Variants in XKR4 observed in about 807,000 individuals in gnomAD.
XKR4 encodes the protein XK related 4.
XKR4 carries 12 observed loss-of-function variants against 53.9 expected under a neutral mutation model. That is an observed-to-expected ratio of 0.22 (90% CI 0.14 to 0.36). XKR4 has a LOEUF of 0.36. Among genes scored for constraint, XKR4 ranks in the 10% least tolerant of loss-of-function variants. The pLI, the probability that XKR4 is intolerant of heterozygous loss-of-function variation, is 1.00. For missense variants in XKR4, 799 were observed against 859.5 expected (o/e 0.93, Z 0.88); for synonymous variants, 354 against 362.4 (o/e 0.98, Z 0.26).
chr8:55,209,434 A>G (rs895086273), intron 1 of XKR4, among the ~76,000 whole-genome samples: 2 of 151,920 alleles, frequency 1.3e-5, no homozygotes, highest in East Asian at 1.9e-4. Flanking sequence ...AGACAGTCTG[A>G]CTCCAGAGCC....
At chr8:55,297,352 C>T (rs1819116966) in intron 1 of XKR4, among the ~76,000 whole-genome samples, 1 of 152,154 alleles carries the variant, frequency 6.6e-6, no homozygotes, top group Admixed American at 6.6e-5. Context: ...ATAAAATGTT[C>T]AGTTAAGGCA....
At chr8:55,161,317 A>T (rs1816981400) in intron 1 of XKR4, among the ~76,000 whole-genome samples, 1 of 152,246 alleles carries the variant, frequency 6.6e-6, no homozygotes, top group African/African-American at 2.4e-5. Context: ...GAAAAAAAAG[A>T]GATGCAGATT....
Position 55,389,170 on chromosome 8 carries a change from C to T in XKR4, c.1006+31293C>T, listed in dbSNP as rs114672663. Among the ~76,000 whole-genome samples, 751 of 152,306 alleles carry T rather than the reference C, an allele frequency of 4.9e-3. 4 individuals carry two copies. The highest frequency in any genetic ancestry group is 0.017 in the African/African-American group (706 of 41,570). ...CTGGGAAGGAGGCCTGAAACAGATCCTTCTCCAGCACTTCCAAAGAGTGCG... is the reference window on the plus strand; with the variant it reads ...CTGGGAAGGAGGCCTGAAACAGATCTTTCTCCAGCACTTCCAAAGAGTGCG... On this transcript the variant is annotated intron_variant, in intron 2 of 2. Coordinates refer to ENST00000327381, the MANE Select transcript of XKR4 (RefSeq NM_052898.2).
At chr8:55,482,025 A>G (rs1806116818) in intron 2 of XKR4, among the ~76,000 whole-genome samples, 1 of 152,180 alleles carries the variant, frequency 6.6e-6, no homozygotes, top group South Asian at 2.1e-4. Flanking sequence ...ATACCATTTG[A>G]CCCAGCCATC....
intron 1 of XKR4, among the ~76,000 whole-genome samples, chr8:55,227,366 C>T (rs1817967649): frequency 6.6e-6 from 1 of 152,188 alleles, no homozygotes; most frequent in African/African-American, 2.4e-5. Context: ...CACTGAGGGA[C>T]CAAGGCAGGC....
chr8:55,129,972 C>G (rs1009579110), intron 1 of XKR4, among the ~76,000 whole-genome samples: 2 of 152,038 alleles, frequency 1.3e-5, no homozygotes, highest in Admixed American at 6.6e-5. Flanking sequence ...CTTCCATTAT[C>G]TTTGAATTAG....
At chr8:55,171,772 C>T (rs1817161773) in intron 1 of XKR4, among the ~76,000 whole-genome samples, 1 of 152,050 alleles carries the variant, frequency 6.6e-6, no homozygotes, top group East Asian at 1.9e-4. Flanking sequence ...GGTCATAAGC[C>T]AAGTTTATGT....
At chr8:55,301,307 C>T (rs1403660478) in intron 1 of XKR4, among the ~76,000 whole-genome samples, 1 of 151,890 alleles carries the variant, frequency 6.6e-6, no homozygotes, top group African/African-American at 2.4e-5. Context: ...CATCCATGTC[C>T]CTACAAAGGA....
At chr8:55,466,502 GA>G (rs1242065483) in intron 2 of XKR4, among the ~76,000 whole-genome samples, 3 of 152,042 alleles carry the variant, frequency 2.0e-5, no homozygotes, top group Non-Finnish European at 4.4e-5. Context: ...GGGGGAGGGG[GA>G]AGGGATAGCA....
At chr8:55,399,201 A>G (rs1294086270) in intron 2 of XKR4, among the ~76,000 whole-genome samples, 2 of 152,188 alleles carry the variant, frequency 1.3e-5, no homozygotes, top group African/African-American at 2.4e-5. Flanking sequence ...TATTTGTCCC[A>G]ACAGGACTGC....
rs1399384663 is a variant in XKR4, at chr8:55,537,264, T to TTCACC, written c.*13040_*13044dup. On this transcript the variant is annotated 3_prime_UTR_variant, in exon 3 of 3. Transcript: ENST00000327381. ...AGAAAAAGTTTACGTCAAAGGAAAA[T>TTCACC]TCACCTCCCACAAGGAAAGTCTGAG... 6.6e-6 allele frequency: 1 copy of TTCACC among 152,150 alleles called. No homozygotes were observed. Among genetic ancestry groups the TTCACC allele is most frequent in the Non-Finnish European group, 1.5e-5 (1 of 68,016 alleles). The allele number at this position is 152,150 out of a possible 1,614,324, so 9.4% of individuals were successfully genotyped here.
At chr8:55,286,182 A>G (rs1388651808) in intron 1 of XKR4, among the ~76,000 whole-genome samples, 1 of 152,242 alleles carries the variant, frequency 6.6e-6, no homozygotes, top group South Asian at 2.1e-4. Context: ...CAATTGTGAA[A>G]TGAGTGGCTC....
chr8:55,316,774 A>G (rs997783974), intron 1 of XKR4, among the ~76,000 whole-genome samples: 30 of 152,128 alleles, frequency 2.0e-4, no homozygotes, highest in African/African-American at 7.2e-4. Context: ...ACCCCCAAGC[A>G]TATTTGAGAT....
rs535967507 is a variant in XKR4, at chr8:55,372,211, C to G, written c.1006+14334C>G. Reference sequence around the variant, plus strand: ...GAGCTGTCTGCAAGGAATGGTGCCCCAAACACTGGCTGCTTGTTGGCCTTT... The same window carrying G: ...GAGCTGTCTGCAAGGAATGGTGCCCGAAACACTGGCTGCTTGTTGGCCTTT... On this transcript the variant is annotated intron_variant, in intron 2 of 2. Transcript: ENST00000327381. Among the ~76,000 whole-genome samples, 20 of 152,290 alleles carry G rather than the reference C, an allele frequency of 1.3e-4. No individual in the cohort carries two copies. The South Asian group carries it at 3.5e-3, about 27-fold the overall frequency.
At chr8:55,128,150 C>T (rs559755120) in intron 1 of XKR4, among the ~76,000 whole-genome samples, 10 of 152,072 alleles carry the variant, frequency 6.6e-5, no homozygotes, top group East Asian at 3.9e-4. Flanking sequence ...CCTGAGGAAT[C>T]GCCACACTGA....
At chr8:55,188,560 A>G (rs1817407436) in intron 1 of XKR4, among the ~76,000 whole-genome samples, 1 of 152,222 alleles carries the variant, frequency 6.6e-6, no homozygotes. Context: ...AAAGACAGGA[A>G]CGTTTTCTGA....
At chr8:55,415,069 C>G (rs183043099) in intron 2 of XKR4, among the ~76,000 whole-genome samples, 3 of 152,266 alleles carry the variant, frequency 2.0e-5, no homozygotes, top group Non-Finnish European at 4.4e-5. Context: ...TTAGTCCTGT[C>G]AAAACAGGCA....
chr8:55,284,294 A>G (rs1818877989), intron 1 of XKR4, among the ~76,000 whole-genome samples: 1 of 152,220 alleles, frequency 6.6e-6, no homozygotes, highest in Non-Finnish European at 1.5e-5. Flanking sequence ...ATGATTCATT[A>G]GTTTGTTTCT....
At chr8:55,431,734 A>T (rs553863785) in intron 2 of XKR4, among the ~76,000 whole-genome samples, 1 of 152,222 alleles carries the variant, frequency 6.6e-6, no homozygotes, top group African/African-American at 2.4e-5. Context: ...CATTTTATGT[A>T]TATTTTTGTC....
Sources: gnomAD v4.1 joint callset for allele counts (sites outside exome capture counted in the v4.1 genomes callset) on GRCh38, gnomAD v4.1.1 for gene constraint, MANE v1.5 for transcripts, NCBI Gene and HGNC (gene_info 2026-07-23, HGNC 2026-07-21) for gene names.